Variants in CNTN6 observed in about 807,000 individuals in gnomAD.
CNTN6 encodes contactin 6.
CNTN6 carries 137 observed loss-of-function variants against 122.8 expected under a neutral mutation model. The ratio of observed to expected loss-of-function variants is 1.12; its 90% confidence interval spans 0.97 to 1.29. The LOEUF (loss-of-function observed/expected upper bound fraction) is 1.29. CNTN6 is among the 50% of genes most tolerant of loss of function. The pLI is 0.00. For synonymous variants in CNTN6, 570 were observed against 426.0 expected (o/e 1.34, Z -4.16); for missense variants, 1,634 against 1,223.4 (o/e 1.34, Z -5.01).
At chr3:1,302,859 T>G (rs982549133) in intron 7 of CNTN6, among the ~76,000 whole-genome samples, 2 of 152,300 alleles carry the variant, frequency 1.3e-5, no homozygotes, top group South Asian at 2.1e-4. Flanking sequence ...TTGTTTGTTT[T>G]TTTCTCCTTT....
At chr3:1,362,910 C>CA (rs1195484060) in intron 12 of CNTN6, among the ~76,000 whole-genome samples, 2 of 151,144 alleles carry the variant, frequency 1.3e-5, no homozygotes, top group African/African-American at 4.8e-5. Flanking sequence ...TACATTAAGT[C>CA]AAAAAAACAA....
At chr3:1,130,529 C>T (rs1342907539) in intron 1 of CNTN6, among the ~76,000 whole-genome samples, 1 of 152,114 alleles carries the variant, frequency 6.6e-6, no homozygotes, top group Non-Finnish European at 1.5e-5. Context: ...GAGCATTGTT[C>T]TGCACCACCT....
chr3:1,396,866 A>T (rs1695053998), intron 20 of CNTN6, among the ~76,000 whole-genome samples: 1 of 152,224 alleles, frequency 6.6e-6, no homozygotes, highest in African/African-American at 2.4e-5. Flanking sequence ...CATGTCCTTG[A>T]GATGACATCA....
At position 1,364,430 on chromosome 3, in the gene CNTN6, G is replaced by T. The variant is rs368396567; in HGVS notation, c.1493-7869G>T. 1.6e-4 allele frequency among the ~76,000 whole-genome samples: 25 copies of T among 151,768 alleles called. 1 individual carries two copies. Among genetic ancestry groups the T allele is most frequent in the African/African-American group, 5.5e-4 (23 of 41,454 alleles). ...CACTTTTGTCTATCCTTTGAGAGGA[G>T]TTTATAACTTCAGCAACACCTTAGC... is the stretch of plus-strand genomic sequence containing the variant. On this transcript the variant is annotated intron_variant, in intron 12 of 22. Transcript: ENST00000446702.
chr3:1,114,013 G>A (rs2091601998), intron 1 of CNTN6, among the ~76,000 whole-genome samples: 2 of 152,142 alleles, frequency 1.3e-5, no homozygotes, highest in Admixed American at 1.3e-4. Context: ...GGCAGCTACT[G>A]TGATAGCACA....
chr3:1,222,168 C>A (rs115062674), intron 3 of CNTN6, among the ~76,000 whole-genome samples: 1 of 152,092 alleles, frequency 6.6e-6, no homozygotes, highest in African/African-American at 2.4e-5. Context: ...TTTATCATAC[C>A]CAAACCAGTG....
intron 22 of CNTN6, 118 bp from the exon 23 acceptor site, chr3:1,403,200 T>A (rs1046588659): frequency 2.1e-5 from 13 of 616,684 alleles, no homozygotes; most frequent in Non-Finnish European, 3.1e-5. Context: ...ATGAGACAAG[T>A]ATAATAAAAT....
At chr3:1,355,503 T>C (rs1559907318) in intron 12 of CNTN6, among the ~76,000 whole-genome samples, 1 of 151,718 alleles carries the variant, frequency 6.6e-6, no homozygotes, top group Non-Finnish European at 1.5e-5. Flanking sequence ...TAGGAAAAAA[T>C]TATAATAGTG....
At chr3:1,318,777 G>A (rs770877798) in intron 7 of CNTN6, among the ~76,000 whole-genome samples, 2 of 151,616 alleles carry the variant, frequency 1.3e-5, no homozygotes, top group Non-Finnish European at 2.9e-5. Flanking sequence ...TGCTCCTGGG[G>A]GTATGTAAAT....
chr3:1,211,552 A>G (rs1324497438), intron 2 of CNTN6, among the ~76,000 whole-genome samples: 1 of 152,146 alleles, frequency 6.6e-6, no homozygotes, highest in African/African-American at 2.4e-5. Flanking sequence ...CTAGAGGCAG[A>G]TCTCACTAGA....
At chr3:1,229,075 A>C (rs2094322085) in intron 4 of CNTN6, among the ~76,000 whole-genome samples, 1 of 152,294 alleles carries the variant, frequency 6.6e-6, no homozygotes, top group Non-Finnish European at 1.5e-5. Flanking sequence ...TACACACATA[A>C]ATATGTTGCT....
intron 5 of CNTN6, among the ~76,000 whole-genome samples, chr3:1,282,908 T>C (rs1418510113): frequency 6.6e-6 from 1 of 152,212 alleles, no homozygotes; most frequent in Non-Finnish European, 1.5e-5. Context: ...ATATTTTATT[T>C]CTTTCACTAT....
intron 4 of CNTN6, among the ~76,000 whole-genome samples, chr3:1,244,596 C>G (rs966700567): frequency 1.3e-5 from 2 of 152,150 alleles, no homozygotes; most frequent in Non-Finnish European, 1.5e-5. Context: ...AAGGGATGTC[C>G]CCCGATCCGA....
At chr3:1,142,780 G>GT (rs1052907141) in intron 1 of CNTN6, among the ~76,000 whole-genome samples, 9 of 152,048 alleles carry the variant, frequency 5.9e-5, no homozygotes, top group Non-Finnish European at 1.2e-4. Flanking sequence ...GCCAGATTTG[G>GT]TCAGCAGGCT....
rs1709195179 is a variant in CNTN6 at position 1,372,517 on chromosome 3, G to T, written c.1668+43G>T. On this transcript the variant is annotated intron_variant, in intron 13 of 22. Transcript: ENST00000446702. ...TTAAGTGCTTAATAAAATGAATCAA[G>T]TCTTTTACATGAATCACCATTTTTC... 2 of 1,470,454 alleles carry T rather than the reference G, an allele frequency of 1.4e-6. 1 individual carries two copies. The highest frequency in any genetic ancestry group is 4.7e-5 in the East Asian group (2 of 42,264). The allele number at this position is 1,470,454 out of a possible 1,614,324, so 91.1% of individuals were successfully genotyped here.
chr3:1,266,518 G>A (rs192337362), intron 4 of CNTN6, among the ~76,000 whole-genome samples: 3 of 152,278 alleles, frequency 2.0e-5, no homozygotes, highest in Admixed American at 2.0e-4. Flanking sequence ...ATAAACAGGA[G>A]CATTAAGACC....
At chr3:1,318,206 C>G (rs1340237161) in intron 7 of CNTN6, among the ~76,000 whole-genome samples, 1 of 151,738 alleles carries the variant, frequency 6.6e-6, no homozygotes, top group African/African-American at 2.4e-5. Flanking sequence ...TCTCATGTCT[C>G]TTGCGTTTCT....
At chr3:1,353,549 G>C (rs1706027046) in intron 12 of CNTN6, among the ~76,000 whole-genome samples, 1 of 151,500 alleles carries the variant, frequency 6.6e-6, no homozygotes, top group Non-Finnish European at 1.5e-5. Flanking sequence ...AGATTGTATT[G>C]TCATCAATTT....
intron 1 of CNTN6, among the ~76,000 whole-genome samples, chr3:1,119,604 C>T (rs1362746272): frequency 1.3e-5 from 2 of 151,710 alleles, no homozygotes; most frequent in African/African-American, 4.8e-5. Context: ...TCCACTTGTG[C>T]GTAAACAGAA....
Sources: allele counts gnomAD v4.1 joint callset (sites outside exome capture counted in the v4.1 genomes callset), GRCh38; gene constraint gnomAD v4.1.1; transcripts MANE v1.5; gene names NCBI Gene and HGNC (gene_info 2026-07-23, HGNC 2026-07-21).